Variants in GSTM1 observed in about 807,000 individuals in gnomAD.
GSTM1 encodes the protein GST HB subunit 4.
In GSTM1, 6 loss-of-function variants were observed where a neutral mutation model predicts 17.3. That is an observed-to-expected ratio of 0.35 (90% CI 0.19 to 0.68). The LOEUF is 0.68. Among genes scored for constraint, GSTM1 ranks in the 30% least tolerant of loss-of-function variants. The pLI, the probability that GSTM1 is intolerant of heterozygous loss-of-function variation, is 0.65. For synonymous variants in GSTM1, 20 were observed against 53.6 expected, an observed-to-expected ratio of 0.37 and a Z score of 2.74; for missense variants, 62 against 155.9, an observed-to-expected ratio of 0.40 and a Z score of 3.21.
Position 109,687,992 on chromosome 1 carries a change from G to C in GSTM1, c.36+83G>C, listed in dbSNP as rs1220178237. On this transcript the variant is annotated intron_variant, in intron 1 of 7. Coordinates refer to ENST00000309851, the MANE Select transcript of GSTM1 (RefSeq NM_000561.4). ...AGCTGCGGGACGGACTCTAGGGACC[G>C]TTCCTCTTCAGGGCTGCCCGCCTCA... is the stretch of plus-strand genomic sequence containing the variant. 26 of 707,084 alleles carry C rather than the reference G, an allele frequency of 3.7e-5. 10 individuals are homozygous for C. The highest frequency in any genetic ancestry group is 4.7e-5 in the Non-Finnish European group (22 of 471,138). The allele number at this position is 707,084 out of a possible 1,614,324, so 43.8% of individuals were successfully genotyped here. A position where few individuals can be genotyped will look rare whatever the true frequency, so the allele number is the denominator to read the frequency against.
Position 109,689,685 on chromosome 1 carries a change from A to G in GSTM1, c.360+360A>G, listed in dbSNP as rs1457375655. On this transcript the variant is annotated intron_variant, in intron 5 of 7. Transcript: ENST00000309851. Reference sequence around the variant, plus strand: ...ATATGCAGACTCAAGTAGAAGACTCAGGAATGTAATGGCACCCTCGAATTG... The same window carrying G: ...ATATGCAGACTCAAGTAGAAGACTCGGGAATGTAATGGCACCCTCGAATTG... 1.0e-4 allele frequency among the ~76,000 whole-genome samples: 8 copies of G among 78,466 alleles called. 3 individuals carry two copies. Among genetic ancestry groups the G allele is most frequent in the Non-Finnish European group, 2.6e-4 (8 of 31,014 alleles). The allele number at this position is 78,466 out of a possible 152,430, so 51.5% of individuals were successfully genotyped here. A position where few individuals can be genotyped will look rare whatever the true frequency, so the allele number is the denominator to read the frequency against.
chr1:109,690,394 G>C, intron 6 of GSTM1, 28 bp downstream of exon 6: 1 of 779,682 alleles, frequency 1.3e-6, no homozygotes, highest in Non-Finnish European at 1.9e-6. Context: ...TGGGGAATGA[G>C]ATCTGTTTTG....
In GSTM1 at chr1:109,693,651, G is replaced by C. The variant is rs1648150747; in HGVS notation, c.*356G>C. ...CTCAGCCCCGAGCTGTCCCCGTGTTGCATGAAGGAGCAGCATTGACTGGTT... is the reference window on the plus strand; with the variant it reads ...CTCAGCCCCGAGCTGTCCCCGTGTTCCATGAAGGAGCAGCATTGACTGGTT... On this transcript the variant is annotated 3_prime_UTR_variant, in exon 8 of 8. Transcript: ENST00000309851. 1.1e-5 allele frequency: 1 copy of C among 93,200 alleles called. No individual in the cohort carries two copies. Among genetic ancestry groups the C allele is most frequent in the Admixed American group, 1.9e-4 (1 of 5,320 alleles). 5.8% of individuals were successfully genotyped at this position (93,200 alleles called of 1,614,324 possible).
chr1:109,690,734 T>A lies in GSTM1; in HGVS notation c.567+170T>A. Among the ~76,000 whole-genome samples, 2 of 82,328 alleles carry A rather than the reference T, an allele frequency of 2.4e-5. 1 individual carries two copies. Among genetic ancestry groups the A allele is most frequent in the Non-Finnish European group, 6.3e-5 (2 of 31,872 alleles). 54.0% of individuals were successfully genotyped at this position (82,328 alleles called of 152,430 possible). A position where few individuals can be genotyped will look rare whatever the true frequency, so the allele number is the denominator to read the frequency against. On this transcript the variant is annotated intron_variant, in intron 7 of 7. Transcript: ENST00000309851. Reference sequence around the variant, plus strand: ...TACCTATTGTGTGAAATTTGAATTTTATAACATTCCAGTAAGGTAACAGAA... The same window carrying A: ...TACCTATTGTGTGAAATTTGAATTTAATAACATTCCAGTAAGGTAACAGAA...
chr1:109,691,318 C>T (rs1334014888), intron 7 of GSTM1, among the ~76,000 whole-genome samples: 1 of 68,508 alleles, frequency 1.5e-5, no homozygotes, highest in African/African-American at 4.2e-5. Context: ...CTGCAACCTC[C>T]GCCTCCTGGG....
At chr1:109,689,355 A>G (rs1417653652) in intron 5 of GSTM1, 30 bp downstream of exon 5, 1 of 637,462 alleles carries the variant, frequency 1.6e-6, no homozygotes. Context: ...TGCATCTGAC[A>G]GAGTTTGGAT....
Position 109,689,061 on chromosome 1 carries a change from T to C in GSTM1, c.191T>C (p.Ile64Thr). The change falls in exon 4 of 8, where the codon ATT becomes ACT. Residue 64 changes from isoleucine to threonine, a missense_variant. Ile to Thr is a moderately conservative substitution (Grantham distance 89). Transcript: ENST00000309851. ...CCATCCATCCAGCTGCCCTACTTGA[T>C]TGATGGGGCTCACAAGATCACCCAG... is the stretch of plus-strand genomic sequence containing the variant. ...GLDFPNLPYL[I>T]DGAHKITQSN... 5.0e-6 allele frequency: 4 copies of C among 797,088 alleles called. 2 individuals are homozygous for C. Among genetic ancestry groups the C allele is most frequent in the Non-Finnish European group, 7.2e-6 (4 of 552,758 alleles). 49.4% of individuals were successfully genotyped at this position (797,088 alleles called of 1,614,324 possible).
intron 7 of GSTM1, among the ~76,000 whole-genome samples, chr1:109,692,812 C>A (rs112184598): frequency 3.7e-5 from 3 of 80,642 alleles, no homozygotes; most frequent in Non-Finnish European, 6.4e-5. Context: ...GGCTACACTG[C>A]AGTTCTATTC....
Position 109,687,850 on chromosome 1 carries a change from G to C in GSTM1, c.-24G>C. ...AGCCCTGCTCGGTTTAGGCCTGTCT[G>C]CGGAATCCGCACCAACCAGCACCAT... On this transcript the variant is annotated 5_prime_UTR_variant, in exon 1 of 8. Transcript: ENST00000309851. 2.6e-6 allele frequency: 2 copies of C among 781,960 alleles called. 1 individual carries two copies. Among genetic ancestry groups the C allele is most frequent in the African/African-American group, 3.7e-5 (2 of 53,534 alleles). The allele number at this position is 781,960 out of a possible 1,614,324, so 48.4% of individuals were successfully genotyped here. A position where few individuals can be genotyped will look rare whatever the true frequency, so the allele number is the denominator to read the frequency against.
In GSTM1 at chr1:109,690,921, G is replaced by A. The variant is rs1203507751; in HGVS notation, c.567+357G>A. ...ATTTGTGACAGAAGAAAAAGCCTTA[G>A]GCTTCACCTAGCCTGGGTTTCACAG... is the stretch of plus-strand genomic sequence containing the variant. On this transcript the variant is annotated intron_variant, in intron 7 of 7. Transcript: ENST00000309851. Among the ~76,000 whole-genome samples the A allele has an allele frequency of 2.5e-5, 2 of 81,144 alleles. 1 individual carries two copies. The highest frequency in any genetic ancestry group is 7.0e-5 in the African/African-American group (2 of 28,518). 53.2% of individuals were successfully genotyped at this position (81,144 alleles called of 152,430 possible). A position where few individuals can be genotyped will look rare whatever the true frequency, so the allele number is the denominator to read the frequency against.
rs1240955999 is a variant in GSTM1, at chr1:109,691,131, G to A, written c.567+567G>A. Among the ~76,000 whole-genome samples, 2 of 79,524 alleles carry A rather than the reference G, an allele frequency of 2.5e-5. 1 individual carries two copies. Among genetic ancestry groups the A allele is most frequent in the Non-Finnish European group, 6.5e-5 (2 of 30,988 alleles). The allele number at this position is 79,524 out of a possible 152,430, so 52.2% of individuals were successfully genotyped here. On this transcript the variant is annotated intron_variant, in intron 7 of 7. Coordinates refer to ENST00000309851, the MANE Select transcript of GSTM1 (RefSeq NM_000561.4). Reference sequence around the variant, plus strand: ...AATCCTGAGAGCCAGGGCTGTGGCTGTAGCTGGATTAAGGTACATATGTGG... The same window carrying A: ...AATCCTGAGAGCCAGGGCTGTGGCTATAGCTGGATTAAGGTACATATGTGG...
rs187167241 is a variant in GSTM1 at position 109,689,421 on chromosome 1, T to C, written c.360+96T>C. On this transcript the variant is annotated intron_variant, in intron 5 of 7. Coordinates refer to ENST00000309851, the MANE Select transcript of GSTM1 (RefSeq NM_000561.4). ...CACTGGTCTTAAGTCCCTGGTACCA[T>C]TCATCCTCCAAGTGCTTTCCCATAC... 1,559 of 389,176 alleles carry C rather than the reference T, an allele frequency of 4.0e-3. 583 individuals are homozygous for C. The highest frequency in any genetic ancestry group is 6.9e-3 in the Non-Finnish European group (1,422 of 205,550). The allele number at this position is 389,176 out of a possible 1,614,324, so 24.1% of individuals were successfully genotyped here.
rs772538186 is a variant in GSTM1 at position 109,689,376 on chromosome 1, G to A, written c.360+51G>A. 18 of 520,098 alleles carry A rather than the reference G, an allele frequency of 3.5e-5. 8 individuals are homozygous for A. The East Asian group carries it at 1.0e-3, about 30-fold the overall frequency. The allele number at this position is 520,098 out of a possible 1,614,324, so 32.2% of individuals were successfully genotyped here. ...TGACAGAGTTTGGATTTGGGGCCAG[G>A]ACTCTTGCATTCCTGCACACACTGG... On this transcript the variant is annotated intron_variant, in intron 5 of 7. Coordinates refer to ENST00000309851, the MANE Select transcript of GSTM1 (RefSeq NM_000561.4).
chr1:109,687,913 A>G lies in GSTM1; in HGVS notation c.36+4A>G. 6.3e-6 allele frequency: 5 copies of G among 791,658 alleles called. 2 individuals are homozygous for G. Among genetic ancestry groups the G allele is most frequent in the Non-Finnish European group, 9.1e-6 (5 of 546,876 alleles). The allele number at this position is 791,658 out of a possible 1,614,324, so 49.0% of individuals were successfully genotyped here. A position where few individuals can be genotyped will look rare whatever the true frequency, so the allele number is the denominator to read the frequency against. ...GGGGTACTGGGACATCCGCGGGGTG[A>G]GCGAGGGTCCGCTGGACGGTGGGAC... is the stretch of plus-strand genomic sequence containing the variant. On this transcript the variant is annotated splice_donor_region_variant and intron_variant, in intron 1 of 7. Coordinates refer to ENST00000309851, the MANE Select transcript of GSTM1 (RefSeq NM_000561.4).
intron 7 of GSTM1, among the ~76,000 whole-genome samples, chr1:109,691,246 T>C (rs1247862468): frequency 1.8e-5 from 1 of 55,956 alleles, no homozygotes; most frequent in Admixed American, 2.0e-4. Flanking sequence ...TTTTTTTTTT[T>C]TTTTGTGCTG....
In GSTM1 at chr1:109,693,180, T is replaced by C. The variant is rs779543530; in HGVS notation, c.568-26T>C. On this transcript the variant is annotated intron_variant, in intron 7 of 7. Transcript: ENST00000309851. ...CCCTCATGGGCAGCTGACCTTGAGT[T>C]CTGGCCTTATTTTCCCCCCTCTCAG... is the stretch of plus-strand genomic sequence containing the variant. The C allele has an allele frequency of 2.3e-5, 17 of 752,100 alleles. 5 individuals carry two copies. The African/African-American group carries it at 2.9e-4, about 13-fold the overall frequency. The allele number at this position is 752,100 out of a possible 1,614,324, so 46.6% of individuals were successfully genotyped here.
Position 109,689,027 on chromosome 1 carries a change from G to C in GSTM1, c.178-21G>C, listed in dbSNP as rs113677167. The stretch of plus-strand genomic sequence containing the variant: ...GAGCCTGGTGGCCCAACTGAGCTTC[G>C]CCGGTTTCCCATCCATCCAGCTGCC... On this transcript the variant is annotated intron_variant, in intron 3 of 7. Transcript: ENST00000309851. The C allele has an allele frequency of 2.6e-5, 21 of 794,370 alleles. 9 individuals are homozygous for C. Among genetic ancestry groups the C allele is most frequent in the Admixed American group, 6.1e-5 (2 of 32,712 alleles). The allele number at this position is 794,370 out of a possible 1,614,324, so 49.2% of individuals were successfully genotyped here.
chr1:109,692,891 T>C (rs1648132375), intron 7 of GSTM1, among the ~76,000 whole-genome samples: 1 of 81,720 alleles, frequency 1.2e-5, no homozygotes, highest in South Asian at 3.7e-4. Flanking sequence ...ATGGTGATAA[T>C]AGATTCAGCC....
Position 109,690,556 on chromosome 1 carries a change from C to G in GSTM1, c.559C>G (p.Arg187Gly), listed in dbSNP as rs72549313. The change falls in exon 7 of 8, where the codon CGC becomes GGC. Residue 187 changes from arginine (R) to glycine (G), a missense_variant. Physicochemically the swap from Arg to Gly is moderately radical, Grantham distance 125. Transcript: ENST00000309851. Reference sequence around the variant, plus strand: ...CCCAAATCTGAAGGACTTCATCTCCCGCTTTGAGGTGATGCCCCCATCCTC... The same window carrying G: ...CCCAAATCTGAAGGACTTCATCTCCGGCTTTGAGGTGATGCCCCCATCCTC... ...AFPNLKDFIS[R>G]FEGLEKISAY... The G allele has an allele frequency of 9.9e-7, 1 of 1,013,876 alleles. No homozygotes were observed. The highest frequency in any genetic ancestry group is 1.8e-5 in the African/African-American group (1 of 56,706). 62.8% of individuals were successfully genotyped at this position (1,013,876 alleles called of 1,614,324 possible). A position where few individuals can be genotyped will look rare whatever the true frequency, so the allele number is the denominator to read the frequency against.
Sources: allele counts gnomAD v4.1 joint callset (sites outside exome capture counted in the v4.1 genomes callset), GRCh38; gene constraint gnomAD v4.1.1; transcripts MANE v1.5; gene names NCBI Gene and HGNC (gene_info 2026-07-23, HGNC 2026-07-21).